The following FILIP1L variants were observed in gnomAD, a reference collection of about 807,000 sequenced individuals.
FILIP1L encodes filamin A interacting protein 1 like.
FILIP1L carries 55 observed loss-of-function variants against 96.6 expected under a neutral mutation model. That is an observed-to-expected ratio of 0.57 (90% CI 0.46 to 0.71). The LOEUF is 0.71. Ranked by LOEUF, FILIP1L falls within the 30% of genes least tolerant of loss-of-function variation. The pLI is 0.00. For synonymous variants in FILIP1L, 467 were observed against 473.9 expected (o/e 0.99, Z 0.19); for missense variants, 1,304 against 1,321.2 (o/e 0.99, Z 0.20).
At chr3:99,858,251 G>T (rs1055697390) in intron 4 of FILIP1L, among the ~76,000 whole-genome samples, 3 of 151,996 alleles carry the variant, frequency 2.0e-5, no homozygotes, top group African/African-American at 7.2e-5. Context: ...GGATCATGAG[G>T]TGAGGAGATC....
At chr3:99,983,480 A>ATG (rs1559713756) in intron 1 of FILIP1L, among the ~76,000 whole-genome samples, 8 of 22,504 alleles carry the variant, frequency 3.6e-4, no homozygotes, top group African/African-American at 1.0e-3. Context: ...ATATATATAT[A>ATG]TATATATATA....
rs77326518 is a variant in FILIP1L at position 99,864,205 on chromosome 3, C to T, written c.606-13135G>A. 4.4e-3 allele frequency among the ~76,000 whole-genome samples: 662 copies of T among 152,176 alleles called. 8 individuals are homozygous for T. Among genetic ancestry groups the T allele is most frequent in the African/African-American group, 0.015 (609 of 41,520 alleles). ...CTATCTTTATAATGTCTGTGTAGAG[C>T]ACATGCATTTATTTTCTTAGTTGAA... is the stretch of plus-strand genomic sequence containing the variant. On this transcript the variant is annotated intron_variant, in intron 4 of 5. Transcript: ENST00000477258.
In FILIP1L at chr3:99,983,389, A is replaced by AATATGT. The variant is rs1553702701; in HGVS notation, c.-10-52360_-10-52359insACATAT. ...TCTCTACTTAAAAAATAAATAAATAAATATATATATATATATATATATATA... is the reference window on the plus strand; with the variant it reads ...TCTCTACTTAAAAAATAAATAAATAAATATGTATATATATATATATATATATATATA... On this transcript the variant is annotated intron_variant, in intron 1 of 5. Transcript: ENST00000477258. Among the ~76,000 whole-genome samples the AATATGT allele has an allele frequency of 2.8e-3, 116 of 40,800 alleles. 6 individuals are homozygous for AATATGT. The highest frequency in any genetic ancestry group is 3.8e-3 in the Non-Finnish European group (85 of 22,288). The allele number at this position is 40,800 out of a possible 152,430, so 26.8% of individuals were successfully genotyped here. A position where few individuals can be genotyped will look rare whatever the true frequency, so the allele number is the denominator to read the frequency against.
chr3:99,974,142 A>T (rs886487729), intron 1 of FILIP1L, among the ~76,000 whole-genome samples: 5 of 152,194 alleles, frequency 3.3e-5, no homozygotes, highest in African/African-American at 9.7e-5. Flanking sequence ...AATCCTTCTA[A>T]TTGCTTGTAG....
At chr3:100,035,274 GTATTAT>G (rs1232574387) in intron 1 of FILIP1L, among the ~76,000 whole-genome samples, 1 of 151,832 alleles carries the variant, frequency 6.6e-6, no homozygotes, top group Admixed American at 6.6e-5. Flanking sequence ...TAAATTATTA[GTATTAT>G]TATTATTATT....
chr3:100,069,019 T>G (rs2065716247), intron 1 of FILIP1L, among the ~76,000 whole-genome samples: 2 of 152,186 alleles, frequency 1.3e-5, no homozygotes, highest in Non-Finnish European at 2.9e-5. Flanking sequence ...GATAGAACGT[T>G]AGCAAGTACC....
chr3:100,065,417 T>C (rs1265481490), intron 1 of FILIP1L, among the ~76,000 whole-genome samples: 1 of 152,184 alleles, frequency 6.6e-6, no homozygotes, highest in Non-Finnish European at 1.5e-5. Context: ...TTGCCTAAAA[T>C]CATCCTGCTA....
At chr3:100,097,019 C>T (rs1383568665) in intron 1 of FILIP1L, among the ~76,000 whole-genome samples, 1 of 152,136 alleles carries the variant, frequency 6.6e-6, no homozygotes, top group Non-Finnish European at 1.5e-5. Context: ...ACTCTGTGGC[C>T]TGTTAGGAAC....
At chr3:99,922,439 C>A (rs538647262) in intron 4 of FILIP1L, among the ~76,000 whole-genome samples, 1 of 152,126 alleles carries the variant, frequency 6.6e-6, no homozygotes, top group African/African-American at 2.4e-5. Context: ...TCCCCTGCCC[C>A]CTCTCTGCCG....
intron 1 of FILIP1L, among the ~76,000 whole-genome samples, chr3:100,018,844 A>C (rs746984250): frequency 1.8e-4 from 28 of 152,282 alleles, no homozygotes; most frequent in Non-Finnish European, 3.1e-4. Context: ...CTGTCCTACA[A>C]CTCAATAACA....
At chr3:99,925,868 C>T (rs1202009403) in intron 3 of FILIP1L, 15 of 985,322 alleles carry the variant, frequency 1.5e-5, no homozygotes, top group Non-Finnish European at 1.8e-5. Context: ...GCTGGTTTAT[C>T]AGCTCCTGGC....
chr3:99,913,824 C>A (rs1292107231), intron 4 of FILIP1L, among the ~76,000 whole-genome samples: 1 of 152,164 alleles, frequency 6.6e-6, no homozygotes, highest in African/African-American at 2.4e-5. Flanking sequence ...ACGTAGAAAA[C>A]ACATATTCAG....
At chr3:100,034,811 TAGG>T (rs1474110517) in intron 1 of FILIP1L, among the ~76,000 whole-genome samples, 1 of 152,168 alleles carries the variant, frequency 6.6e-6, no homozygotes, top group Non-Finnish European at 1.5e-5. Context: ...TATGCAGCCT[TAGG>T]AGAATATCCA....
At position 100,100,020 on chromosome 3, in the gene FILIP1L, T is replaced by G. The variant is rs78902125; in HGVS notation, c.-11+14033A>C. Among the ~76,000 whole-genome samples, 652 of 152,256 alleles carry G rather than the reference T, an allele frequency of 4.3e-3. 4 individuals carry two copies. Among genetic ancestry groups the G allele is most frequent in the Non-Finnish European group, 6.5e-3 (441 of 68,024 alleles). ...AAAAAGTTTGACACAGTTGTCAAAG[T>G]CCTTATTAAAGAAAGTGCAATGATG... On this transcript the variant is annotated intron_variant, in intron 1 of 5. Transcript: ENST00000477258.
intron 4 of FILIP1L, among the ~76,000 whole-genome samples, chr3:99,888,804 TGCAAAAAAATAACTCTGCTAAGAACTTTA>T (rs1434499151): frequency 6.6e-6 from 1 of 152,302 alleles, no homozygotes; most frequent in South Asian, 2.1e-4. Context: ...TAAATTTCCT[TGCAAAAAAATAACTCTGCTAAGAACTTTA>T]GCTTGTCTCT....
intron 1 of FILIP1L, among the ~76,000 whole-genome samples, chr3:100,008,925 G>A (rs554738819): frequency 2.2e-4 from 34 of 152,260 alleles, no homozygotes; most frequent in Admixed American, 9.2e-4. Flanking sequence ...CAGAAACTTG[G>A]AACACCTATA....
intron 1 of FILIP1L, among the ~76,000 whole-genome samples, chr3:99,967,982 A>G (rs1004933832): frequency 6.6e-6 from 1 of 152,228 alleles, no homozygotes; most frequent in African/African-American, 2.4e-5. Flanking sequence ...TACTTGGGCA[A>G]TCTCAAACAT....
chr3:100,082,240 A>G (rs1056749184), intron 1 of FILIP1L, among the ~76,000 whole-genome samples: 1 of 152,250 alleles, frequency 6.6e-6, no homozygotes, highest in African/African-American at 2.4e-5. Flanking sequence ...GAATTCATAG[A>G]ATAGAATCTG....
rs34665880 is a variant in FILIP1L at position 100,020,760 on chromosome 3, C to CTTTT, written c.-10-89734_-10-89731dup. Among the ~76,000 whole-genome samples the CTTTT allele has an allele frequency of 3.7e-3, 264 of 70,998 alleles. 11 individuals are homozygous for CTTTT. The highest frequency in any genetic ancestry group is 7.0e-3 in the African/African-American group (120 of 17,048). The allele number at this position is 70,998 out of a possible 152,430, so 46.6% of individuals were successfully genotyped here. ...TTTTTAGAAAGTAATGAATAATTAGCTTTTTTTTTTTTTTTTTTTTTTTTT... is the reference window on the plus strand; with the variant it reads ...TTTTTAGAAAGTAATGAATAATTAGCTTTTTTTTTTTTTTTTTTTTTTTTTTTTT... On this transcript the variant is annotated intron_variant, in intron 1 of 5. Transcript: ENST00000477258.
Sources: gnomAD v4.1 joint callset for allele counts (sites outside exome capture counted in the v4.1 genomes callset) on GRCh38, gnomAD v4.1.1 for gene constraint, MANE v1.5 for transcripts, NCBI Gene and HGNC (gene_info 2026-07-23, HGNC 2026-07-21) for gene names.